NREP: variants seen among roughly 807,000 people sequenced by gnomAD.
The protein encoded by NREP is neuronal regeneration related protein, also known as neuronal regeneration-related protein.
NREP carries 5 observed loss-of-function variants against 8.6 expected under a neutral mutation model. That is an observed-to-expected ratio of 0.58 (90% CI 0.30 to 1.22). The LOEUF is 1.22. Ranked by LOEUF, NREP falls within the 50% of genes most tolerant of loss-of-function variation. The pLI is 0.07. For synonymous variants in NREP, 27 were observed against 28.0 expected (o/e 0.96, Z 0.11); for missense variants, 86 against 82.5 (o/e 1.04, Z -0.17).
chr5:111,861,979 G>T (rs1382046744), intron 2 of NREP, among the ~76,000 whole-genome samples: 3 of 152,098 alleles, frequency 2.0e-5, no homozygotes, highest in African/African-American at 7.2e-5. Flanking sequence ...TTAACATAAT[G>T]ACTATTCTTC....
chr5:111,975,156 A>G, intron 2 of NREP: 1 of 691,754 alleles, frequency 1.4e-6, no homozygotes, highest in Non-Finnish European at 2.5e-6. Context: ...AAAGGCTTTC[A>G]CGGGGCAATG....
At chr5:111,860,053 G>A (rs1369253235) in intron 2 of NREP, among the ~76,000 whole-genome samples, 2 of 152,134 alleles carry the variant, frequency 1.3e-5, no homozygotes, top group Non-Finnish European at 2.9e-5. Flanking sequence ...CACGTTGTGA[G>A]TGAAAAATGT....
chr5:111,892,834 G>A (rs932124343), intron 2 of NREP, among the ~76,000 whole-genome samples: 2 of 152,104 alleles, frequency 1.3e-5, no homozygotes, highest in Non-Finnish European at 2.9e-5. Context: ...TAAACCCTAC[G>A]AAAATTTGGG....
At chr5:111,800,644 C>A (rs1366940592) in intron 2 of NREP, among the ~76,000 whole-genome samples, 11 of 152,172 alleles carry the variant, frequency 7.2e-5, no homozygotes, top group Non-Finnish European at 1.6e-4. Context: ...ATTCAAAGTG[C>A]ACATTGCTGG....
At chr5:111,888,852 A>T (rs570955057) in intron 2 of NREP, among the ~76,000 whole-genome samples, 1 of 152,340 alleles carries the variant, frequency 6.6e-6, no homozygotes, top group South Asian at 2.1e-4. Context: ...TCGAGACCTC[A>T]TTGAAATAAG....
In NREP at chr5:111,880,939, G is replaced by A. The variant is rs186160688; in HGVS notation, c.135+94335C>T. 1.6e-4 allele frequency among the ~76,000 whole-genome samples: 24 copies of A among 152,242 alleles called. No individual in the cohort carries two copies. In the East Asian group the frequency reaches 1.7e-3, roughly 11 times the overall value. On this transcript the variant is annotated intron_variant, in intron 2 of 3. Transcript: ENST00000395634. Reference sequence around the variant, plus strand: ...TTTCTGCATTTCCATCTGAGGTACCGGGTTCATCTCACTAGGGAGTGCCAG... The same window carrying A: ...TTTCTGCATTTCCATCTGAGGTACCAGGTTCATCTCACTAGGGAGTGCCAG...
chr5:111,831,831 C>G (rs889813916), intron 2 of NREP, among the ~76,000 whole-genome samples: 2 of 152,172 alleles, frequency 1.3e-5, no homozygotes, highest in African/African-American at 4.8e-5. Flanking sequence ...CTCAAGATAG[C>G]TGCCAGACAA....
At chr5:111,881,067 C>G (rs1235675367) in intron 2 of NREP, among the ~76,000 whole-genome samples, 1 of 152,198 alleles carries the variant, frequency 6.6e-6, no homozygotes, top group Non-Finnish European at 1.5e-5. Flanking sequence ...AATTCCCTTT[C>G]CTAGTCAAAG....
chr5:111,950,797 GA>G (rs1465674192), intron 2 of NREP, among the ~76,000 whole-genome samples: 6 of 151,198 alleles, frequency 4.0e-5, no homozygotes, highest in African/African-American at 7.3e-5. Context: ...AAAAACACAT[GA>G]AAAAAAGCTC....
rs150661164 is a variant in NREP, at chr5:111,737,364, G to A, written c.4-1857C>T. ...TTCACTTCATATAAATGGATATAAA[G>A]TGATTACATTTCTATATTACCACTT... On this transcript the variant is annotated intron_variant, in intron 2 of 3. Coordinates refer to ENST00000257435, the MANE Select transcript of NREP (RefSeq NM_004772.4). Among the ~76,000 whole-genome samples, 130 of 152,282 alleles carry A rather than the reference G, an allele frequency of 8.5e-4. 1 individual carries two copies. Among genetic ancestry groups the A allele is most frequent in the African/African-American group, 2.6e-3 (108 of 41,546 alleles).
chr5:111,826,328 C>A (rs948610498), intron 2 of NREP, among the ~76,000 whole-genome samples: 1 of 152,150 alleles, frequency 6.6e-6, no homozygotes, highest in Non-Finnish European at 1.5e-5. Context: ...GCAGGCCACG[C>A]GTCACCACTG....
intron 2 of NREP, among the ~76,000 whole-genome samples, chr5:111,812,655 G>A (rs894266019): frequency 2.6e-5 from 4 of 151,998 alleles, no homozygotes; most frequent in African/African-American, 9.7e-5. Flanking sequence ...CCAATATTAA[G>A]TATTTGGGAC....
chr5:111,793,972 C>T (rs966314955), intron 2 of NREP, among the ~76,000 whole-genome samples: 3 of 152,130 alleles, frequency 2.0e-5, no homozygotes, highest in African/African-American at 7.2e-5. Context: ...GTGGGAGTAC[C>T]ACTGGAGCCA....
chr5:111,945,716 G>C (rs1755959245), intron 2 of NREP, among the ~76,000 whole-genome samples: 1 of 151,642 alleles, frequency 6.6e-6, no homozygotes, highest in South Asian at 2.1e-4. Context: ...TTGGATCCAG[G>C]GTCTTACATG....
At chr5:111,881,008 C>A (rs11959949) in intron 2 of NREP, among the ~76,000 whole-genome samples, 2 of 151,998 alleles carry the variant, frequency 1.3e-5, no homozygotes, top group African/African-American at 4.8e-5. Context: ...GTGCATGAGC[C>A]GAAGCAGGGC....
intron 2 of NREP, among the ~76,000 whole-genome samples, chr5:111,811,143 G>C (rs1433455001): frequency 1.3e-5 from 2 of 152,010 alleles, no homozygotes; most frequent in African/African-American, 2.4e-5. Flanking sequence ...CATCACTTCT[G>C]TCTTATGCCT....
chr5:111,881,708 C>A (rs985777309), intron 2 of NREP, among the ~76,000 whole-genome samples: 3 of 152,178 alleles, frequency 2.0e-5, no homozygotes, highest in African/African-American at 4.8e-5. Flanking sequence ...TCTGCAGATA[C>A]CCCGGCAAAC....
intron 2 of NREP, among the ~76,000 whole-genome samples, chr5:111,884,669 T>G (rs1311800822): frequency 6.6e-6 from 1 of 152,178 alleles, no homozygotes; most frequent in Non-Finnish European, 1.5e-5. Context: ...GCTGGTTCAA[T>G]GTACACAAAT....
chr5:111,967,698 C>T (rs761065966), intron 2 of NREP, among the ~76,000 whole-genome samples: 111 of 152,066 alleles, frequency 7.3e-4, no homozygotes, highest in Non-Finnish European at 1.3e-3. Flanking sequence ...ATGTGAGGAT[C>T]GCCTCTGCCC....
Sources: allele counts gnomAD v4.1 joint callset (sites outside exome capture counted in the v4.1 genomes callset), GRCh38; gene constraint gnomAD v4.1.1; transcripts MANE v1.5; gene names NCBI Gene and HGNC (gene_info 2026-07-23, HGNC 2026-07-21).